The following SIRPA variants were observed in gnomAD, a reference collection of about 807,000 sequenced individuals.
SIRPA encodes the protein signal regulatory protein alpha, also known as tyrosine-protein phosphatase non-receptor type substrate 1.
Under a neutral mutation model 50.3 loss-of-function variants are expected in SIRPA, and 9 were observed. The observed-to-expected ratio is 0.18, with a 90% CI of 0.11 to 0.31. SIRPA has a LOEUF of 0.31. Ranked by LOEUF, SIRPA falls within the 10% of genes least tolerant of loss-of-function variation. The pLI is 1.00. For missense variants in SIRPA, 474 were observed against 661.6 expected, an observed-to-expected ratio of 0.72 and a Z score of 3.11; for synonymous variants, 265 against 284.1, an observed-to-expected ratio of 0.93 and a Z score of 0.68.
At chr20:1,894,398 G>GGCTA (rs1983630613), upstream of SIRPA, 1 of 152,160 alleles carries the variant, frequency 6.6e-6, no homozygotes, top group Non-Finnish European at 1.5e-5. This position sits in a 1 kb window ranked among gnomAD's most constrained non-coding sequence, Gnocchi z 4.0. Context: ...AGAGGACGAT[G>GGCTA]TAGCCAGCTC....
upstream of SIRPA, among the ~76,000 whole-genome samples, chr20:1,895,112 C>T (rs557948399): frequency 6.6e-6 from 1 of 151,640 alleles, no homozygotes; most frequent in African/African-American, 2.4e-5. Flanking sequence ...CTTTCTCCCC[C>T]TCTCGCCTCT....
In SIRPA at chr20:1,922,566, C is replaced by T. The variant is rs745363259; in HGVS notation, c.1008C>T (p.Asp336=). ...DVKLTCQVEH[D]GQPAVSKSHD... ...AGCTCACCTGCCAGGTGGAGCATGA[C>T]GGGCAGCCAGCGGTCAGCAAAAGCC... The change falls in exon 4 of 8, where the codon GAC becomes GAT. Residue 336 remains aspartate (D), a synonymous_variant. Coordinates refer to ENST00000358771, the MANE Select transcript of SIRPA (RefSeq NM_001040023.2). The T allele has an allele frequency of 2.5e-5, 40 of 1,614,174 alleles. No homozygotes were observed. Among genetic ancestry groups the T allele is most frequent in the African/African-American group, 4.0e-5 (3 of 75,054 alleles).
At chr20:1,926,895 T>G (rs368752659) in intron 5 of SIRPA, among the ~76,000 whole-genome samples, 1 of 152,218 alleles carries the variant, frequency 6.6e-6, no homozygotes, top group African/African-American at 2.4e-5. Flanking sequence ...TGAAATGTCC[T>G]GATTTCAACT....
At chr20:1,897,679 C>A (rs1453615163) in intron 1 of SIRPA, among the ~76,000 whole-genome samples, 2 of 151,590 alleles carry the variant, frequency 1.3e-5, no homozygotes, top group Non-Finnish European at 2.9e-5. Flanking sequence ...GTGTCTCAGG[C>A]AGAACTGTCA....
In SIRPA at chr20:1,922,316, C is replaced by A. The variant is rs1331379264; in HGVS notation, c.758C>A (p.Pro253Gln). ...TANLSETIRV[P>Q]PTLEVTQQPV... ...CTTCTGCCCTGTGCTGTTTCAGTTC[C>A]ACCCACCTTGGAGGTTACTCAACAG... The change falls in exon 4 of 8, where the codon CCA (proline) becomes CAA (glutamine). Residue 253 changes from proline (P) to glutamine (Q), a missense_variant. By Grantham distance (76) the Pro-to-Gln change is moderately conservative. Around this residue, in one of 4 missense-constraint regions of SIRPA, gnomAD observed 221 missense variants for 359.9 expected, o/e 0.61. Transcript: ENST00000358771. 6.2e-7 allele frequency: 1 copy of A among 1,613,830 alleles called. No homozygotes were observed. Among genetic ancestry groups the A allele is most frequent in the African/African-American group, 1.3e-5 (1 of 74,926 alleles).
rs527818614 is a variant in SIRPA at position 1,927,793 on chromosome 20, C to CAA, written c.1202-80_1202-79dup. On this transcript the variant is annotated intron_variant, in intron 5 of 7. Coordinates refer to ENST00000358771, the MANE Select transcript of SIRPA (RefSeq NM_001040023.2). This position sits in a 1 kb window ranked among gnomAD's most constrained non-coding sequence, Gnocchi z 6.5. ...CATTTCCTCTCCATGTCCCTGGAGGCAAACCTTTTGCCAAAAAATAGTTAC... is the reference window on the plus strand; with the variant it reads ...CATTTCCTCTCCATGTCCCTGGAGGCAAAAACCTTTTGCCAAAAAATAGTTAC... 4 of 1,321,314 alleles carry CAA rather than the reference C, an allele frequency of 3.0e-6. No homozygotes were observed. Among genetic ancestry groups the CAA allele is most frequent in the Non-Finnish European group, 4.4e-6 (4 of 913,538 alleles). 81.8% of individuals were successfully genotyped at this position (1,321,314 alleles called of 1,614,324 possible).
rs1986354365 is a variant in SIRPA at position 1,932,576 on chromosome 20, G to C, written c.1227-2139G>C. On this transcript the variant is annotated intron_variant, in intron 6 of 7. Coordinates refer to ENST00000358771, the MANE Select transcript of SIRPA (RefSeq NM_001040023.2). The surrounding 1 kb of genome is among the most constrained non-coding windows in gnomAD (Gnocchi z 6.0). ...GGAGCTGGTGTCACTTGACCACCTT[G>C]GAGTGGTTATAGAGGGGTTGAGCAT... Among the ~76,000 whole-genome samples the C allele has an allele frequency of 6.6e-6, 1 of 152,202 alleles. No homozygotes were observed. Among genetic ancestry groups the C allele is most frequent in the Non-Finnish European group, 1.5e-5 (1 of 68,042 alleles).
At position 1,937,372 on chromosome 20, in the gene SIRPA, C is replaced by G; in HGVS notation, c.1319C>G (p.Pro440Arg). The G allele has an allele frequency of 1.2e-6, 2 of 1,614,110 alleles. No individual in the cohort carries two copies. The highest frequency in any genetic ancestry group is 1.7e-6 in the Non-Finnish European group (2 of 1,180,012). Residue 440 changes from proline (P) to arginine (R), a missense_variant, in exon 8 of 8, where the codon CCT (proline) becomes CGT (arginine). By Grantham distance (103) the Pro-to-Arg change is moderately radical. Transcript: ENST00000358771. The surrounding 1 kb of genome is among the most constrained non-coding windows in gnomAD (Gnocchi z 8.3). ...CTGAACCTGCCCAAGGGGAAGAAGC[C>G]TGCTCCCCAGGCTGCGGAGCCCAAC... The part of the protein sequence containing the change: ...ADLNLPKGKK[P>R]APQAAEPNNH...
intron 1 of SIRPA, among the ~76,000 whole-genome samples, chr20:1,908,427 T>A (rs968359147): frequency 6.6e-6 from 1 of 151,426 alleles, no homozygotes; most frequent in African/African-American, 2.4e-5. Flanking sequence ...TCCCACACAC[T>A]CACACCCTCC....
intron 1 of SIRPA, among the ~76,000 whole-genome samples, chr20:1,908,206 C>A (rs533921735): frequency 3.9e-5 from 6 of 152,252 alleles, no homozygotes; most frequent in African/African-American, 1.4e-4. Context: ...CAGGCACATG[C>A]CCAGCTGGAC....
In SIRPA at chr20:1,939,540, G is replaced by A. The variant is rs1362699593; in HGVS notation, c.*1972G>A. The A allele has an allele frequency of 6.6e-6, 1 of 152,238 alleles. No individual in the cohort carries two copies. Among genetic ancestry groups the A allele is most frequent in the African/African-American group, 2.4e-5 (1 of 41,454 alleles). The allele number at this position is 152,238 out of a possible 1,614,324, so 9.4% of individuals were successfully genotyped here. Reference sequence around the variant, plus strand: ...TCTCCCTCTCTTTTACCCAGAGACAGCACATACGTGTGCACACGCATGCAC... The same window carrying A: ...TCTCCCTCTCTTTTACCCAGAGACAACACATACGTGTGCACACGCATGCAC... On this transcript the variant is annotated 3_prime_UTR_variant, in exon 8 of 8. Coordinates refer to ENST00000358771, the MANE Select transcript of SIRPA (RefSeq NM_001040023.2). This position sits in a 1 kb window ranked among gnomAD's most constrained non-coding sequence, Gnocchi z 4.7.
Position 1,934,793 on chromosome 20 carries a change from G to A in SIRPA, c.1266+39G>A, listed in dbSNP as rs760829085. 3.5e-5 allele frequency: 56 copies of A among 1,611,568 alleles called. No individual in the cohort carries two copies. Among genetic ancestry groups the A allele is most frequent in the Middle Eastern group, 1.7e-4 (1 of 6,058 alleles). ...TGAGATGCCCTTCCTGGGAAACTCC[G>A]TGGCGTGGTTGCTTCACATCAACCG... On this transcript the variant is annotated intron_variant, in intron 7 of 7. Transcript: ENST00000358771. This position sits in a 1 kb window ranked among gnomAD's most constrained non-coding sequence, Gnocchi z 4.6.
intron 1 of SIRPA, among the ~76,000 whole-genome samples, chr20:1,914,049 C>A (rs1313218781): frequency 6.6e-6 from 1 of 152,172 alleles, no homozygotes; most frequent in Non-Finnish European, 1.5e-5. Flanking sequence ...CACAGTGAGG[C>A]CTGGATCACA....
chr20:1,906,610 G>A (rs1984563933), intron 1 of SIRPA, among the ~76,000 whole-genome samples: 1 of 152,210 alleles, frequency 6.6e-6, no homozygotes, highest in African/African-American at 2.4e-5. Context: ...AAGCAAGGCT[G>A]TAGGCCCCTG....
chr20:1,922,242 C>G, intron 3 of SIRPA, 71 bp from the exon 4 acceptor site: 1 of 1,590,310 alleles, frequency 6.3e-7, no homozygotes, highest in South Asian at 1.1e-5. Context: ...GGTGGGGGAG[C>G]TACGTTATGG....
intron 5 of SIRPA, among the ~76,000 whole-genome samples, chr20:1,926,845 A>AG (rs1330162279): frequency 1.3e-5 from 2 of 152,278 alleles, no homozygotes; most frequent in East Asian, 3.9e-4. Flanking sequence ...CTCCCTCATT[A>AG]GGCCCTGGAG....
At position 1,921,752 on chromosome 20, in the gene SIRPA, C is replaced by A. The variant is rs747717221; in HGVS notation, c.754+40C>A. 28 of 1,613,464 alleles carry A rather than the reference C, an allele frequency of 1.7e-5. No homozygotes were observed. The East Asian group carries it at 5.3e-4, about 31-fold the overall frequency. ...CCCAGCCCAAGCCCACACCTGACCG[C>A]CAAGCCCACCCCCCACCACCCTCCA... is the stretch of plus-strand genomic sequence containing the variant. On this transcript the variant is annotated intron_variant, in intron 3 of 7. Transcript: ENST00000358771.
At chr20:1,901,480 A>G (rs1055410200) in intron 1 of SIRPA, among the ~76,000 whole-genome samples, 1 of 151,700 alleles carries the variant, frequency 6.6e-6, no homozygotes, top group Admixed American at 6.6e-5. Context: ...CTCCTCTCGT[A>G]TTTCTATCAG....
At chr20:1,895,259 C>A, upstream of SIRPA, 1 of 385,400 alleles carries the variant, frequency 2.6e-6, no homozygotes, top group Non-Finnish European at 4.3e-6. Flanking sequence ...TCCTGGGGGG[C>A]GGGGAGGGGG....
Sources: allele counts gnomAD v4.1 joint callset (sites outside exome capture counted in the v4.1 genomes callset), GRCh38; gene constraint gnomAD v4.1.1; regional missense constraint gnomAD v4.1.1; non-coding constraint Gnocchi (gnomAD v3.1); transcripts MANE v1.5; gene names NCBI Gene and HGNC (gene_info 2026-07-23, HGNC 2026-07-21).